Variants in PKD1L1 observed in about 807,000 individuals in gnomAD.
PKD1L1 encodes the protein polycystin-1-like protein 1.
A neutral mutation model predicts 323.4 loss-of-function variants in PKD1L1; 236 were observed. The ratio of observed to expected loss-of-function variants is 0.73; its 90% confidence interval spans 0.66 to 0.81. The LOEUF is 0.81. Ranked by LOEUF, PKD1L1 falls within the 40% of genes least tolerant of loss-of-function variation. PKD1L1 has a pLI of 0.00. For missense variants in PKD1L1, 3,320 were observed against 3,508.0 expected (o/e 0.95, Z 1.35); for synonymous variants, 1,344 against 1,335.0 (o/e 1.01, Z -0.15).
chr7:47,818,434 G>T (rs536850639), intron 46 of PKD1L1, among the ~76,000 whole-genome samples: 1 of 152,224 alleles, frequency 6.6e-6, no homozygotes, highest in Non-Finnish European at 1.5e-5. Context: ...AAAGAATAAA[G>T]TATAGACATT....
At chr7:47,843,249 C>A (rs1291569629) in intron 33 of PKD1L1, 80 bp from the exon 34 acceptor site, 10 of 1,067,780 alleles carry the variant, frequency 9.4e-6, no homozygotes, top group Non-Finnish European at 1.3e-5. Context: ...CACCCCTAGC[C>A]CCTTACACAC....
chr7:47,819,247 A>G (rs929539006), intron 46 of PKD1L1, among the ~76,000 whole-genome samples: 14 of 152,210 alleles, frequency 9.2e-5, no homozygotes, highest in African/African-American at 3.1e-4. Context: ...TATGGGAAAC[A>G]TAAGGTCTAT....
chr7:47,881,787 A>G (rs1301414969), intron 20 of PKD1L1, 122 bp downstream of exon 20: 1 of 972,336 alleles, frequency 1.0e-6, no homozygotes. Flanking sequence ...GCACAAGTAG[A>G]AAAGGTACCA....
At chr7:47,945,218 T>C (rs1333716353) in intron 1 of PKD1L1, among the ~76,000 whole-genome samples, 1 of 152,240 alleles carries the variant, frequency 6.6e-6, no homozygotes, top group East Asian at 1.9e-4. Context: ...TGTTCGCCTT[T>C]GTTCTTTCCC....
rs759090809 is a variant in PKD1L1, at chr7:47,880,900, C to T, written c.3443-95G>A. 1.9e-4 allele frequency: 181 copies of T among 963,250 alleles called. 1 individual carries two copies. In the African/African-American group the frequency reaches 2.3e-3, roughly 12 times the overall value. The allele number at this position is 963,250 out of a possible 1,614,324, so 59.7% of individuals were successfully genotyped here. A position where few individuals can be genotyped will look rare whatever the true frequency, so the allele number is the denominator to read the frequency against. On this transcript the variant is annotated intron_variant, in intron 20 of 56. Coordinates refer to ENST00000289672, the MANE Select transcript of PKD1L1 (RefSeq NM_138295.5). ...TTGGAAATGAGTTCCACTCTTCCCC[C>T]AGGGGTGAAATTAACATAGATACTA...
intron 42 of PKD1L1, 128 bp downstream of exon 42, chr7:47,831,089 G>A: frequency 8.0e-7 from 1 of 1,244,118 alleles, no homozygotes; most frequent in Non-Finnish European, 1.1e-6. Flanking sequence ...GAGAAATGAG[G>A]GAGAAAATAG....
intron 26 of PKD1L1, among the ~76,000 whole-genome samples, chr7:47,862,378 G>A (rs544743489): frequency 6.6e-6 from 1 of 152,150 alleles, no homozygotes; most frequent in Non-Finnish European, 1.5e-5. Flanking sequence ...AGATGAGGAG[G>A]GGAGACTCAG....
At chr7:47,831,870 T>C (rs1011755777) in intron 41 of PKD1L1, among the ~76,000 whole-genome samples, 1 of 152,200 alleles carries the variant, frequency 6.6e-6, no homozygotes, top group Non-Finnish European at 1.5e-5. Flanking sequence ...TCTGCCCTGA[T>C]TTGGATCAAG....
intron 23 of PKD1L1, among the ~76,000 whole-genome samples, chr7:47,874,648 G>A (rs559475926): frequency 2.2e-4 from 34 of 152,204 alleles, no homozygotes; most frequent in African/African-American, 7.9e-4. Context: ...TACTAGGTGG[G>A]CTCTGGAGGC....
At chr7:47,872,764 G>A (rs541355004) in intron 24 of PKD1L1, among the ~76,000 whole-genome samples, 3 of 152,124 alleles carry the variant, frequency 2.0e-5, no homozygotes, top group African/African-American at 7.2e-5. Flanking sequence ...CAGCCACTAC[G>A]GAAAATAGTT....
rs1438773007 is a variant in PKD1L1, at chr7:47,929,529, G to A, written c.738-3C>T. On this transcript the variant is annotated splice_region_variant and splice_polypyrimidine_tract_variant and intron_variant, in intron 6 of 56. Coordinates refer to ENST00000289672, the MANE Select transcript of PKD1L1 (RefSeq NM_138295.5). ...TGCCAGGCGGAAGGCCGTGGGAGCT[G>A]TGGGAGAGAGGGAGAGGCTTCAGAT... The A allele has an allele frequency of 1.2e-6, 2 of 1,608,780 alleles. No homozygotes were observed. Among genetic ancestry groups the A allele is most frequent in the Admixed American group, 1.7e-5 (1 of 59,498 alleles).
intron 15 of PKD1L1, 120 bp from the exon 16 acceptor site, chr7:47,890,883 A>C: frequency 1.2e-6 from 1 of 818,154 alleles, no homozygotes; most frequent in South Asian, 1.7e-5. Flanking sequence ...TGCTGGGAAG[A>C]GATATTGCTT....
chr7:47,949,391 A>AAAAAAAAAAAAAT, upstream of PKD1L1, among the ~76,000 whole-genome samples: 1 of 148,048 alleles, frequency 6.8e-6, no homozygotes. Flanking sequence ...AAAAAAAAAA[A>AAAAAAAAAAAAAT]GCTGTAACTG....
chr7:47,881,380 C>T (rs1288069039), intron 20 of PKD1L1, among the ~76,000 whole-genome samples: 1 of 152,056 alleles, frequency 6.6e-6, no homozygotes, highest in Non-Finnish European at 1.5e-5. Flanking sequence ...CAAAATGCTT[C>T]AAGGAAAGGG....
intron 21 of PKD1L1, among the ~76,000 whole-genome samples, chr7:47,879,766 T>C (rs1332941588): frequency 2.7e-5 from 4 of 146,924 alleles, no homozygotes; most frequent in Non-Finnish European, 6.0e-5. Context: ...ACCCCATCTC[T>C]ACTAAAAATA....
chr7:47,931,009 A>C, intron 6 of PKD1L1, 95 bp downstream of exon 6: 1 of 1,259,564 alleles, frequency 7.9e-7, no homozygotes, highest in Non-Finnish European at 1.1e-6. Context: ...AAAGCAAACA[A>C]CGAAGATACT....
chr7:47,826,306 T>C (rs886646122), intron 45 of PKD1L1, among the ~76,000 whole-genome samples: 1 of 152,136 alleles, frequency 6.6e-6, no homozygotes, highest in African/African-American at 2.4e-5. Flanking sequence ...TGTGCATGTT[T>C]TCTATGGGTT....
At position 47,885,927 on chromosome 7, in the gene PKD1L1, G is replaced by T. The variant is rs57109564; in HGVS notation, c.2964C>A (p.Phe988Leu). 3.7e-3 allele frequency: 5,929 copies of T among 1,614,208 alleles called. 194 individuals are homozygous for T. The East Asian group carries it at 0.072, about 20-fold the overall frequency. Residue 988 changes from phenylalanine to leucine, a missense_variant, in exon 18 of 57, where the codon TTC becomes TTA. Coordinates refer to ENST00000289672, the MANE Select transcript of PKD1L1 (RefSeq NM_138295.5). ...GGGTCACGGGTGAAGGTTCCCGTGA[G>T]AATGGTGTGGTCGTTGCATCAGGAT... Reference protein sequence around the residue: ...TADPDATTTPFSREPSPVTLG... With the variant: ...TADPDATTTPLSREPSPVTLG...
chr7:47,853,882 A>T (rs556413308), intron 30 of PKD1L1, among the ~76,000 whole-genome samples: 1 of 151,994 alleles, frequency 6.6e-6, no homozygotes, highest in Admixed American at 6.6e-5. Flanking sequence ...ACACGTGGTT[A>T]GGGAGGGGCA....
Sources: gnomAD v4.1 joint callset for allele counts (sites outside exome capture counted in the v4.1 genomes callset) on GRCh38, gnomAD v4.1.1 for gene constraint, MANE v1.5 for transcripts, NCBI Gene and HGNC (gene_info 2026-07-23, HGNC 2026-07-21) for gene names.